LDB2: variants seen among roughly 807,000 people sequenced by gnomAD.
LDB2 encodes the protein LIM domain binding 2, also known as LIM domain-binding protein 2.
Under a neutral mutation model 44.3 loss-of-function variants are expected in LDB2, and 12 were observed. That is an observed-to-expected ratio of 0.27 (90% CI 0.17 to 0.44). LDB2 has a LOEUF of 0.44. Among genes scored for constraint, LDB2 ranks in the 20% least tolerant of loss-of-function variants. The pLI, the probability that LDB2 is intolerant of heterozygous loss-of-function variation, is 1.00. For missense variants in LDB2, 344 were observed against 473.5 expected (o/e 0.73, Z 2.54); for synonymous variants, 164 against 174.8 (o/e 0.94, Z 0.49).
chr4:16,868,536 A>G (rs942372784), intron 1 of LDB2, among the ~76,000 whole-genome samples: 1 of 152,202 alleles, frequency 6.6e-6, no homozygotes, highest in African/African-American at 2.4e-5. Context: ...GTCTGGTGGC[A>G]GAATCTTAAG....
At chr4:16,876,880 T>A (rs1360690673) in intron 1 of LDB2, among the ~76,000 whole-genome samples, 1 of 151,850 alleles carries the variant, frequency 6.6e-6, no homozygotes, top group East Asian at 1.9e-4. Flanking sequence ...TCAGTGAAAA[T>A]TTCCCAATGT....
intron 3 of LDB2, among the ~76,000 whole-genome samples, chr4:16,591,782 AT>A: frequency 6.6e-6 from 1 of 152,360 alleles, no homozygotes; most frequent in South Asian, 2.1e-4. Flanking sequence ...GGCATAGCCT[AT>A]AAAAGGGAAT....
At chr4:16,668,829 G>A (rs536093376) in intron 2 of LDB2, among the ~76,000 whole-genome samples, 1 of 152,280 alleles carries the variant, frequency 6.6e-6, no homozygotes, top group South Asian at 2.1e-4. Context: ...TCTCACCTCT[G>A]CCTTAGTTCA....
At chr4:16,712,271 A>C (rs2152663316) in intron 2 of LDB2, among the ~76,000 whole-genome samples, 1 of 152,316 alleles carries the variant, frequency 6.6e-6, no homozygotes. Context: ...TCTCCAATGA[A>C]GAAAGCTATA....
At chr4:16,628,569 CT>C (rs74474589) in intron 2 of LDB2, among the ~76,000 whole-genome samples, 4,848 of 145,372 alleles carry the variant, frequency 0.033, 80 homozygotes, top group East Asian at 0.058. Context: ...TGAGTTAAAT[CT>C]TTTTTTTTTT....
At chr4:16,740,500 C>T (rs1248941485) in intron 2 of LDB2, among the ~76,000 whole-genome samples, 1 of 152,176 alleles carries the variant, frequency 6.6e-6, no homozygotes, top group Non-Finnish European at 1.5e-5. Context: ...TTTGATTGTC[C>T]CTCCATATCC....
intron 5 of LDB2, among the ~76,000 whole-genome samples, chr4:16,524,629 G>T (rs1035590010): frequency 6.6e-6 from 1 of 152,118 alleles, no homozygotes; most frequent in Non-Finnish European, 1.5e-5. Context: ...GAGCTGAGAG[G>T]CACAGATGAT....
intron 2 of LDB2, among the ~76,000 whole-genome samples, chr4:16,630,294 A>G (rs1474736019): frequency 6.6e-6 from 1 of 152,242 alleles, no homozygotes. Flanking sequence ...AACATTCTCA[A>G]AGAAAAGAAT....
chr4:16,822,394 T>C (rs552540202), intron 1 of LDB2, among the ~76,000 whole-genome samples: 15 of 152,318 alleles, frequency 9.8e-5, no homozygotes, highest in African/African-American at 2.9e-4. Flanking sequence ...GTGGAGGATG[T>C]CTTTAAGAGT....
At chr4:16,547,455 T>A (rs1418185332) in intron 5 of LDB2, among the ~76,000 whole-genome samples, 1 of 152,188 alleles carries the variant, frequency 6.6e-6, no homozygotes, top group Non-Finnish European at 1.5e-5. Flanking sequence ...ACTCCTACCT[T>A]TAAGCCCAAA....
chr4:16,544,879 G>C (rs1735144844), intron 5 of LDB2, among the ~76,000 whole-genome samples: 1 of 152,170 alleles, frequency 6.6e-6, no homozygotes, highest in Non-Finnish European at 1.5e-5. Flanking sequence ...TGTCAGCTTA[G>C]AGATTGTATT....
chr4:16,842,648 G>C (rs970574996), intron 1 of LDB2, among the ~76,000 whole-genome samples: 3 of 152,134 alleles, frequency 2.0e-5, no homozygotes, highest in African/African-American at 7.2e-5. Flanking sequence ...TTCCATAGCA[G>C]CCTTTGAGTA....
Position 16,588,717 on chromosome 4 carries a change from G to C in LDB2, c.524C>G (p.Ala175Gly). The C allele has an allele frequency of 6.2e-7, 1 of 1,613,490 alleles. No homozygotes were observed. The highest frequency in any genetic ancestry group is 1.7e-5 in the Admixed American group (1 of 59,966). ...YRELVPRSILAMHAQDPQVLD... is the reference protein window; with the variant it reads ...YRELVPRSILGMHAQDPQVLD... ...AGAAATTAAATTACTTACATGCATG[G>C]CTAGGATGCTTCTCGGGACTAACTC... is the stretch of plus-strand genomic sequence containing the variant. The change falls in exon 4 of 8, where the codon GCC becomes GGC. Residue 175 changes from alanine to glycine, a missense_variant. Ala to Gly is a moderately conservative substitution (Grantham distance 60, BLOSUM62 0). Transcript: ENST00000304523.
At chr4:16,685,282 C>T (rs1006956102) in intron 2 of LDB2, among the ~76,000 whole-genome samples, 1 of 152,212 alleles carries the variant, frequency 6.6e-6, no homozygotes, top group Non-Finnish European at 1.5e-5. Context: ...TCCTCACTCG[C>T]TCCATTTAAC....
intron 1 of LDB2, among the ~76,000 whole-genome samples, chr4:16,799,666 T>C (rs1457264473): frequency 6.6e-6 from 1 of 152,208 alleles, no homozygotes; most frequent in Non-Finnish European, 1.5e-5. Flanking sequence ...GGAAATGCAG[T>C]CTCAGGGTTC....
chr4:16,602,258 G>A (rs1722773709), intron 2 of LDB2, among the ~76,000 whole-genome samples: 1 of 152,234 alleles, frequency 6.6e-6, no homozygotes, highest in Non-Finnish European at 1.5e-5. Flanking sequence ...GTTTAGATTG[G>A]CCAGCCTGGA....
chr4:16,813,606 C>A (rs1335300522), intron 1 of LDB2, among the ~76,000 whole-genome samples: 1 of 152,106 alleles, frequency 6.6e-6, no homozygotes, highest in Non-Finnish European at 1.5e-5. Context: ...TTACAAAACA[C>A]TCTTAGATAC....
At chr4:16,884,089 A>G (rs1282722671) in intron 1 of LDB2, among the ~76,000 whole-genome samples, 1 of 152,188 alleles carries the variant, frequency 6.6e-6, no homozygotes, top group African/African-American at 2.4e-5. Context: ...CAAAGGGATC[A>G]GAGTGTTCTT....
At chr4:16,536,723 G>A (rs1732001406) in intron 5 of LDB2, among the ~76,000 whole-genome samples, 1 of 152,224 alleles carries the variant, frequency 6.6e-6, no homozygotes, top group African/African-American at 2.4e-5. Flanking sequence ...GCTCAAGCAG[G>A]GAGTGTCAGG....
Sources: gnomAD v4.1 joint callset for allele counts (sites outside exome capture counted in the v4.1 genomes callset) on GRCh38, gnomAD v4.1.1 for gene constraint, MANE v1.5 for transcripts, NCBI Gene and HGNC (gene_info 2026-07-23, HGNC 2026-07-21) for gene names.